MGAM: variants seen among roughly 807,000 people sequenced by gnomAD.
MGAM encodes the protein maltase-glucoamylase, also known as alpha-1,4-glucosidase.
A neutral mutation model predicts 358.8 loss-of-function variants in MGAM; 253 were observed. The observed-to-expected ratio is 0.71, with a 90% CI of 0.64 to 0.78. The LOEUF is 0.78. Among genes scored for constraint, MGAM ranks in the 30% least tolerant of loss-of-function variants. The pLI, the probability that MGAM is intolerant of heterozygous loss-of-function variation, is 0.00. For missense variants in MGAM, 3,080 were observed against 3,432.6 expected (o/e 0.90, Z 2.57); for synonymous variants, 1,105 against 1,227.1 (o/e 0.90, Z 2.08).
chr7:141,991,553 C>A (rs1554447328), upstream of MGAM, among the ~76,000 whole-genome samples: 1 of 151,946 alleles, frequency 6.6e-6, no homozygotes, highest in Non-Finnish European at 1.5e-5. Context: ...TCTCCTGCCT[C>A]AGCCTCCTGA....
In MGAM at chr7:142,008,714, T is replaced by A. The variant is rs1216836326; in HGVS notation, c.327+9T>A. Reference sequence around the variant, plus strand: ...ACCAGCCGCCAACAAAGGTTTGAGTTATGAATTTTGTTTCCATTTTAGAAT... The same window carrying A: ...ACCAGCCGCCAACAAAGGTTTGAGTAATGAATTTTGTTTCCATTTTAGAAT... On this transcript the variant is annotated intron_variant, in intron 3 of 70. Coordinates refer to ENST00000475668, the MANE Select transcript of MGAM (RefSeq NM_001365693.1). The A allele has an allele frequency of 1.3e-5, 21 of 1,604,798 alleles. No individual in the cohort carries two copies. The highest frequency in any genetic ancestry group is 6.9e-5 in the Admixed American group (4 of 58,118).
chr7:142,028,808 A>G (rs1807196985), intron 10 of MGAM, among the ~76,000 whole-genome samples: 1 of 151,722 alleles, frequency 6.6e-6, no homozygotes, highest in Non-Finnish European at 1.5e-5. Context: ...GCAGATAAAG[A>G]CGTTTGGGTG....
intron 34 of MGAM, among the ~76,000 whole-genome samples, chr7:142,060,696 G>A (rs1446378016): frequency 2.6e-5 from 4 of 152,136 alleles, no homozygotes; most frequent in Non-Finnish European, 4.4e-5. Flanking sequence ...TTCCCACTGG[G>A]CGATACCTCC....
intron 24 of MGAM, 51 bp downstream of exon 24, chr7:142,050,915 G>C: frequency 6.2e-7 from 1 of 1,610,792 alleles, no homozygotes; most frequent in Non-Finnish European, 8.5e-7. Context: ...CCATAGCATC[G>C]TGATGTTCCT....
intron 2 of MGAM, among the ~76,000 whole-genome samples, chr7:142,007,917 C>T (rs1247095570): frequency 5.9e-5 from 9 of 152,122 alleles, no homozygotes; most frequent in African/African-American, 2.2e-4. Context: ...ACTTGTACTG[C>T]ACATGTTCTG....
chr7:141,999,345 A>G (rs1464127056), intron 1 of MGAM, among the ~76,000 whole-genome samples: 2 of 152,238 alleles, frequency 1.3e-5, no homozygotes, highest in East Asian at 1.9e-4. Context: ...TGATAAAACT[A>G]TAATCTCACA....
intron 3 of MGAM, among the ~76,000 whole-genome samples, chr7:142,015,084 T>A (rs1372011778): frequency 6.6e-6 from 1 of 152,118 alleles, no homozygotes; most frequent in Admixed American, 6.6e-5. Flanking sequence ...TCTTTTAAAG[T>A]TTTGCCATTT....
In MGAM at chr7:142,047,814, C is replaced by A; in HGVS notation, c.2528C>A (p.Ala843Asp). 1.2e-6 allele frequency: 2 copies of A among 1,612,560 alleles called. No individual in the cohort carries two copies. The highest frequency in any genetic ancestry group is 1.7e-6 in the Non-Finnish European group (2 of 1,178,762). Residue 843 changes from alanine to aspartate, a missense_variant, in exon 22 of 71, where the codon GCC becomes GAC. Transcript: ENST00000475668. Reference protein sequence around the residue: ...SRKNPLGLIIALDENKEAKGE... With the variant: ...SRKNPLGLIIDLDENKEAKGE... ...AAGAACCCTCTTGGTCTTATCATTGCCCTAGATGAGAACAAAGAAGCAAAA... is the reference window on the plus strand; with the variant it reads ...AAGAACCCTCTTGGTCTTATCATTGACCTAGATGAGAACAAAGAAGCAAAA...
Position 142,021,668 on chromosome 7 carries a change from C to A in MGAM, c.641C>A (p.Thr214Asn). Residue 214 changes from threonine (T) to asparagine (N), a missense_variant, in exon 6 of 71, where the codon ACC becomes AAC. Thr to Asn is a moderately conservative substitution (Grantham distance 65, BLOSUM62 0). Transcript: ENST00000475668. ...SFSGNAAASL[T>N]YQVEISRQPF... The stretch of plus-strand genomic sequence containing the variant: ...AGTGGAAATGCTGCTGCTTCTTTGA[C>A]CTACCAAGTTGAAATCTCCAGACAG... The A allele has an allele frequency of 6.2e-7, 1 of 1,613,946 alleles. No individual in the cohort carries two copies. The highest frequency in any genetic ancestry group is 8.5e-7 in the Non-Finnish European group (1 of 1,179,832).
At chr7:142,096,829 C>T (rs1815956499) in intron 65 of MGAM, among the ~76,000 whole-genome samples, 1 of 152,170 alleles carries the variant, frequency 6.6e-6, no homozygotes, top group Non-Finnish European at 1.5e-5. Context: ...CCCTTCCCTT[C>T]CTCTGCAGGA....
chr7:142,056,235 T>G, intron 29 of MGAM, 139 bp downstream of exon 29: 2 of 787,482 alleles, frequency 2.5e-6, no homozygotes, highest in Non-Finnish European at 2.0e-6. Flanking sequence ...TCTTTGTGTT[T>G]AGCCTTTCTG....
intron 57 of MGAM, among the ~76,000 whole-genome samples, chr7:142,090,655 C>G (rs535803015): frequency 1.4e-5 from 2 of 146,006 alleles, no homozygotes; most frequent in African/African-American, 4.9e-5. Context: ...TGGAGTTCCC[C>G]AGACCAAGTC....
rs758606143 is a variant in MGAM, at chr7:142,054,858, G to A, written c.3264G>A (p.Lys1088=). 9 of 1,613,788 alleles carry A rather than the reference G, an allele frequency of 5.6e-6. No individual in the cohort carries two copies. The highest frequency in any genetic ancestry group is 7.6e-6 in the Non-Finnish European group (9 of 1,179,844). The change falls in exon 27 of 71, where the codon AAG becomes AAA. Residue 1088 remains lysine (K), a synonymous_variant. Coordinates refer to ENST00000475668, the MANE Select transcript of MGAM (RefSeq NM_001365693.1). The part of the protein sequence containing the change: ...PEGQLYDVLI[K]KNPFGIEIRR... ...GTCAACTCTATGATGTGCTCATTAAGAAGAATCCATTTGGGATTGAAATTC... is the reference window on the plus strand; with the variant it reads ...GTCAACTCTATGATGTGCTCATTAAAAAGAATCCATTTGGGATTGAAATTC...
intron 30 of MGAM, among the ~76,000 whole-genome samples, chr7:142,057,553 T>C (rs1811682099): frequency 1.3e-5 from 1 of 79,324 alleles, no homozygotes; most frequent in South Asian, 4.3e-4. Context: ...GTGGGGGTGG[T>C]AGTGGGGGGT....
intron 45 of MGAM, among the ~76,000 whole-genome samples, chr7:142,074,617 A>G (rs1193299522): frequency 6.8e-6 from 1 of 146,256 alleles, no homozygotes; most frequent in Non-Finnish European, 1.5e-5. Context: ...GGTCCAGTAT[A>G]CTAACAATTC....
At chr7:142,056,745 A>G in intron 29 of MGAM, 85 bp from the exon 30 acceptor site, 1 of 1,311,204 alleles carries the variant, frequency 7.6e-7, no homozygotes, top group Non-Finnish European at 1.1e-6. Flanking sequence ...GGGAGGGTGC[A>G]GGAAGATGGA....
intron 29 of MGAM, among the ~76,000 whole-genome samples, chr7:142,056,569 A>G (rs1811573059): frequency 6.6e-6 from 1 of 152,222 alleles, no homozygotes; most frequent in Admixed American, 6.5e-5. Flanking sequence ...TATCTAACAT[A>G]AAACTTGAAA....
In MGAM at chr7:142,084,526, G is replaced by C. The variant is rs10952514; in HGVS notation, c.6389G>C (p.Gly2130Ala). The change falls in exon 54 of 71, where the codon GGC (glycine) becomes GCC (alanine). Residue 2130 changes from glycine (G) to alanine (A), a missense_variant. By Grantham distance (60) the Gly-to-Ala change is moderately conservative. Coordinates refer to ENST00000475668, the MANE Select transcript of MGAM (RefSeq NM_001365693.1). ...LVTQQYTELI[G>A]RPVMVPYWSL... ...TTTCTGTCTATTTTCTAGTTGATTG[G>C]CCGGCCTGTGATGGTACCTTACTGG... The C allele has an allele frequency of 0.38, 596,118 of 1,553,764 alleles. 169,557 individuals carry two copies. Among genetic ancestry groups the C allele is most frequent in the Middle Eastern group, 0.44 (2,599 of 5,944 alleles).
intron 21 of MGAM, among the ~76,000 whole-genome samples, chr7:142,044,622 T>A (rs111129724): frequency 0.15 from 8,408 of 57,864 alleles, 25 homozygotes; most frequent in Non-Finnish European, 0.21. Flanking sequence ...ATATATAATG[T>A]ATATTATATA....
Sources: gnomAD v4.1 joint callset for allele counts (sites outside exome capture counted in the v4.1 genomes callset) on GRCh38, gnomAD v4.1.1 for gene constraint, MANE v1.5 for transcripts, NCBI Gene and HGNC (gene_info 2026-07-23, HGNC 2026-07-21) for gene names.